PHYKPL: variants seen among roughly 807,000 people sequenced by gnomAD.
The protein encoded by PHYKPL is 5-phosphohydroxy-L-lysine phospho-lyase, also known as 5-phosphonooxy-L-lysine phospho-lyase.
In PHYKPL, 42 loss-of-function variants were observed where a neutral mutation model predicts 51.3. The observed-to-expected ratio is 0.82, with a 90% CI of 0.64 to 1.06. The LOEUF (loss-of-function observed/expected upper bound fraction) is 1.06, where lower values mean the gene tolerates loss of function less well. Among genes scored for constraint, PHYKPL ranks in the 50% least tolerant of loss-of-function variants. The pLI is 0.00. For synonymous variants in PHYKPL, 264 were observed against 236.0 expected (o/e 1.12, Z -1.09); for missense variants, 655 against 586.6 (o/e 1.12, Z -1.20).
intron 10 of PHYKPL, among the ~76,000 whole-genome samples, chr5:178,214,023 G>C (rs189946816): frequency 1.3e-4 from 20 of 152,308 alleles, no homozygotes; most frequent in Non-Finnish European, 2.4e-4. Flanking sequence ...CTCCTGGGAG[G>C]GGGGTAGGAG....
At chr5:178,211,806 A>G (rs1304747091) in intron 12 of PHYKPL, 84 bp downstream of exon 12, 1 of 939,552 alleles carries the variant, frequency 1.1e-6, no homozygotes, top group African/African-American at 1.7e-5. Flanking sequence ...TCTTAAAAAA[A>G]GGCTCAGCTT....
At chr5:178,229,759 G>A (rs1434941957) in intron 3 of PHYKPL, 181 bp downstream of exon 3, 4 of 649,850 alleles carry the variant, frequency 6.2e-6, no homozygotes, top group African/African-American at 5.5e-5. Flanking sequence ...TAAGAGACAA[G>A]GAAACTGGAT....
At chr5:178,225,247 C>A in intron 4 of PHYKPL, 108 bp downstream of exon 4, 1 of 1,294,850 alleles carries the variant, frequency 7.7e-7, no homozygotes, top group Admixed American at 2.0e-5. Flanking sequence ...TTCAGTAGCC[C>A]AGGCCCCTTA....
chr5:178,215,299 T>C lies in PHYKPL; in HGVS notation c.1059A>G (p.Lys353=), dbSNP rs1561692196. ...ACCTGACATCCCCGACGATGGGATG[T>C]TTGATTTTTTGCTGCCCGAGGAGCT... is the stretch of plus-strand genomic sequence containing the variant. ...LMQLLGQQKI[K]HPIVGDVRGV... is the part of the protein sequence containing the mutation. The change falls in exon 9 of 13, where the codon AAA becomes AAG. Residue 353 remains lysine (K), a synonymous_variant. Transcript: ENST00000308158. The C allele has an allele frequency of 1.9e-6, 3 of 1,613,956 alleles. No individual in the cohort carries two copies. The highest frequency in any genetic ancestry group is 2.5e-6 in the Non-Finnish European group (3 of 1,179,954).
intron 8 of PHYKPL, among the ~76,000 whole-genome samples, chr5:178,219,315 T>C (rs1411738184): frequency 1.3e-5 from 2 of 152,022 alleles, no homozygotes; most frequent in African/African-American, 4.8e-5. Flanking sequence ...GCATAATAGA[T>C]ATGTATGTGT....
chr5:178,210,683 A>G (rs1051705081), intron 12 of PHYKPL: 11 of 1,292,770 alleles, frequency 8.5e-6, no homozygotes, highest in Admixed American at 5.1e-5. Context: ...TGGAGTGAAC[A>G]CAATTATGTA....
At chr5:178,225,679 G>C (rs571626351) in intron 3 of PHYKPL, 24 of 525,294 alleles carry the variant, frequency 4.6e-5, no homozygotes, top group South Asian at 1.9e-4. Flanking sequence ...CATGAAAGTT[G>C]TTTTGAAAAA....
rs1049557162 is a variant in PHYKPL, at chr5:178,222,621, G to A, written c.702-41C>T. The A allele has an allele frequency of 4.4e-6, 7 of 1,600,688 alleles. No individual in the cohort carries two copies. In the African/African-American group the frequency reaches 5.4e-5, roughly 12 times the overall value. On this transcript the variant is annotated intron_variant, in intron 7 of 12. Coordinates refer to ENST00000308158, the MANE Select transcript of PHYKPL (RefSeq NM_153373.4). ...TGACTGACACGGGGGCTGTGGTTGA[G>A]AGGGATAAGATCAGGACCCAGGAGG...
intron 3 of PHYKPL, among the ~76,000 whole-genome samples, chr5:178,228,943 C>T (rs972639317): frequency 3.3e-5 from 5 of 152,114 alleles, no homozygotes; most frequent in African/African-American, 9.7e-5. Context: ...CTAGGTGATG[C>T]GCCCTGCTTG....
At chr5:178,210,270 A>G in intron 12 of PHYKPL, 1 of 1,614,100 alleles carries the variant, frequency 6.2e-7, no homozygotes, top group Non-Finnish European at 8.5e-7. Context: ...GGCTACGACT[A>G]CAGTAAGTAG....
intron 8 of PHYKPL, among the ~76,000 whole-genome samples, chr5:178,219,902 G>T (rs950531462): frequency 3.3e-5 from 5 of 151,956 alleles, no homozygotes; most frequent in Non-Finnish European, 5.9e-5. Context: ...AGGCACTGAA[G>T]AAGATATAGG....
At chr5:178,218,174 G>A (rs1297395474) in intron 8 of PHYKPL, among the ~76,000 whole-genome samples, 2 of 101,322 alleles carry the variant, frequency 2.0e-5, no homozygotes, top group African/African-American at 8.7e-5. Flanking sequence ...TCGAGATCGC[G>A]CCACTGCACT....
At position 178,214,850 on chromosome 5, in the gene PHYKPL, T is replaced by C; in HGVS notation, c.1118A>G (p.Lys373Arg). Residue 373 changes from lysine (K) to arginine (R), a missense_variant, in exon 10 of 13, where the codon AAA (lysine) becomes AGA (arginine). Transcript: ENST00000308158. ...TGCTGGTGTCCTTGTGGCCTCATCT[T>C]TGATCAGATCCACACCAATGAAGAG... ...VGLFIGVDLI[K>R]DEATRTPATE... is the part of the protein sequence containing the mutation. The C allele has an allele frequency of 3.1e-6, 5 of 1,613,448 alleles. No homozygotes were observed. Among genetic ancestry groups the C allele is most frequent in the Non-Finnish European group, 4.2e-6 (5 of 1,179,898 alleles).
Position 178,228,312 on chromosome 5 carries a change from C to T in PHYKPL, c.338+1628G>A, listed in dbSNP as rs146125073. 611 of 554,292 alleles carry T rather than the reference C, an allele frequency of 1.1e-3. 2 individuals are homozygous for T. Among genetic ancestry groups the T allele is most frequent in the Middle Eastern group, 4.3e-3 (9 of 2,098 alleles). 34.3% of individuals were successfully genotyped at this position (554,292 alleles called of 1,614,324 possible). A position where few individuals can be genotyped will look rare whatever the true frequency, so the allele number is the denominator to read the frequency against. On this transcript the variant is annotated intron_variant, in intron 3 of 12. Coordinates refer to ENST00000308158, the MANE Select transcript of PHYKPL (RefSeq NM_153373.4). ...GAGAAGCTGATAGAAAACAGGAGAG[C>T]ACAGTGCCCGGGAAGCAAGATGACA...
chr5:178,215,926 CTGTG>C (rs1242965713), intron 8 of PHYKPL: 1 of 153,676 alleles, frequency 6.5e-6, no homozygotes, highest in Non-Finnish European at 1.4e-5. Flanking sequence ...GAGTGGAGAC[CTGTG>C]TTTTAGAGGA....
chr5:178,228,123 T>G (rs1289503460), intron 3 of PHYKPL: 1 of 196,590 alleles, frequency 5.1e-6, no homozygotes, highest in East Asian at 1.4e-4. Context: ...ATGGGACATG[T>G]CTGGGCTCAA....
intron 12 of PHYKPL, chr5:178,209,323 C>T (rs768968337): frequency 1.9e-6 from 3 of 1,613,270 alleles, no homozygotes; most frequent in Non-Finnish European, 2.5e-6. Flanking sequence ...GTCCTCTTGA[C>T]TTTTAGTGTG....
intron 1 of PHYKPL, 51 bp downstream of exon 1, chr5:178,232,441 G>A (rs1290152692): frequency 2.2e-6 from 3 of 1,377,874 alleles, no homozygotes; most frequent in South Asian, 1.6e-5. Flanking sequence ...GCGTGCGCGT[G>A]CCTCTCCGCG....
rs1759538734 is a variant in PHYKPL, at chr5:178,215,292, T to C, written c.1066A>G (p.Ile356Val). Reference sequence around the variant, plus strand: ...GAGCCTCACCTGACATCCCCGACGATGGGATGTTTGATTTTTTGCTGCCCG... The same window carrying C: ...GAGCCTCACCTGACATCCCCGACGACGGGATGTTTGATTTTTTGCTGCCCG... ...LLGQQKIKHPIVGDVRGVGLF... is the reference protein window; with the variant it reads ...LLGQQKIKHPVVGDVRGVGLF... Residue 356 changes from isoleucine (I) to valine (V), a missense_variant, in exon 9 of 13, where the codon ATC becomes GTC. Physicochemically the swap from Ile to Val is conservative, Grantham distance 29. Transcript: ENST00000308158. 1.2e-6 allele frequency: 2 copies of C among 1,613,898 alleles called. No homozygotes were observed. The highest frequency in any genetic ancestry group is 1.7e-6 in the Non-Finnish European group (2 of 1,179,932).
Sources: allele counts gnomAD v4.1 joint callset (sites outside exome capture counted in the v4.1 genomes callset), GRCh38; gene constraint gnomAD v4.1.1; transcripts MANE v1.5; gene names NCBI Gene and HGNC (gene_info 2026-07-23, HGNC 2026-07-21).